Variants in PRKN observed in about 807,000 individuals in gnomAD.
The protein encoded by PRKN is parkin RBR E3 ubiquitin protein ligase.
PRKN carries 56 observed loss-of-function variants against 59.5 expected under a neutral mutation model. The ratio of observed to expected loss-of-function variants is 0.94; its 90% confidence interval spans 0.76 to 1.18. The LOEUF (loss-of-function observed/expected upper bound fraction) is 1.18, where lower values mean the gene tolerates loss of function less well. Ranked by LOEUF, PRKN falls within the 50% of genes most tolerant of loss-of-function variation. The probability of loss-of-function intolerance (pLI) is 0.00; values close to 1 mark genes in which losing one functional copy is unlikely to be tolerated. For missense variants in PRKN, 657 were observed against 596.4 expected (o/e 1.10, Z -1.06); for synonymous variants, 250 against 222.1 (o/e 1.13, Z -1.12).
rs535237000 is a variant in PRKN, at chr6:161,935,955, G to C, written c.734+37347C>G. On this transcript the variant is annotated intron_variant, in intron 6 of 11. Transcript: ENST00000366898. ...CAATTCTGAGTGAAAAATTAAAGTT[G>C]AGCAAGCTTTCCTCTTGAGGGGTAA... is the stretch of plus-strand genomic sequence containing the variant. 4.1e-4 allele frequency among the ~76,000 whole-genome samples: 63 copies of C among 152,300 alleles called. 1 individual carries two copies. Among genetic ancestry groups the C allele is most frequent in the African/African-American group, 1.5e-3 (63 of 41,578 alleles).
At chr6:162,151,415 T>C (rs1241767601) in intron 4 of PRKN, among the ~76,000 whole-genome samples, 2 of 152,360 alleles carry the variant, frequency 1.3e-5, no homozygotes, top group Middle Eastern at 3.4e-3. Context: ...TTCTACATAT[T>C]TGCAGCTTCG....
intron 1 of PRKN, among the ~76,000 whole-genome samples, chr6:162,475,903 C>T (rs939727574): frequency 6.6e-6 from 1 of 151,876 alleles, no homozygotes; most frequent in African/African-American, 2.4e-5. Context: ...AGGCGCACAC[C>T]ACCATGCCCA....
At chr6:162,159,897 A>G (rs1427366079) in intron 4 of PRKN, among the ~76,000 whole-genome samples, 3 of 152,194 alleles carry the variant, frequency 2.0e-5, no homozygotes, top group Non-Finnish European at 2.9e-5. Flanking sequence ...AATTGATCTG[A>G]TCTATGGCTT....
chr6:162,322,097 A>T (rs1783047936), intron 2 of PRKN, among the ~76,000 whole-genome samples: 1 of 115,040 alleles, frequency 8.7e-6, no homozygotes, highest in South Asian at 2.9e-4. Flanking sequence ...TTTCTATAGA[A>T]TCTAAAAAAT....
At chr6:162,469,905 G>A (rs1262627483) in intron 1 of PRKN, among the ~76,000 whole-genome samples, 3 of 152,184 alleles carry the variant, frequency 2.0e-5, no homozygotes, top group African/African-American at 7.2e-5. Flanking sequence ...AAAAGAAAGT[G>A]TGGGTGAATG....
chr6:161,841,110 C>T (rs1792968851), intron 6 of PRKN, among the ~76,000 whole-genome samples: 3 of 152,188 alleles, frequency 2.0e-5, no homozygotes, highest in Non-Finnish European at 2.9e-5. Context: ...GACAAAGACA[C>T]ATGCATATGT....
Position 162,702,475 on chromosome 6 carries a change from A to AT in PRKN, c.7+25186dup, listed in dbSNP as rs562928884. 3.3e-5 allele frequency among the ~76,000 whole-genome samples: 5 copies of AT among 152,026 alleles called. No homozygotes were observed. In the South Asian group the frequency reaches 8.3e-4, roughly 25 times the overall value. On this transcript the variant is annotated intron_variant, in intron 1 of 11. Coordinates refer to ENST00000366898, the MANE Select transcript of PRKN (RefSeq NM_004562.3). ...GGACAAAGAAAACTACCATTTCCTG[A>AT]TTTTCTCCCTCAGCCCTCCCTACCT...
chr6:162,263,042 A>G (rs1040175378), intron 2 of PRKN, among the ~76,000 whole-genome samples: 10 of 152,126 alleles, frequency 6.6e-5, no homozygotes, highest in African/African-American at 1.9e-4. Flanking sequence ...AGGAAAAAAT[A>G]ATTACCAAAC....
At chr6:161,350,868 A>T (rs1300194049) in intron 11 of PRKN, among the ~76,000 whole-genome samples, 1 of 93,334 alleles carries the variant, frequency 1.1e-5, no homozygotes, top group Non-Finnish European at 1.8e-5. Flanking sequence ...TAAAATATAT[A>T]TATTTTTATA....
At chr6:161,432,315 T>C (rs1347551458) in intron 9 of PRKN, among the ~76,000 whole-genome samples, 1 of 151,988 alleles carries the variant, frequency 6.6e-6, no homozygotes, top group East Asian at 1.9e-4. Context: ...TTGGAACACA[T>C]GTTAGCATAT....
rs1779065209 is a variant in PRKN at position 161,527,710 on chromosome 6, C to T, written c.1083+21144G>A. Reference sequence around the variant, plus strand: ...CCTCTTTCCGTGATGCTCTAATATTCCTAGTCAGGCCAAGCTATTGCTAAT... The same window carrying T: ...CCTCTTTCCGTGATGCTCTAATATTTCTAGTCAGGCCAAGCTATTGCTAAT... On this transcript the variant is annotated intron_variant, in intron 9 of 11. Coordinates refer to ENST00000366898, the MANE Select transcript of PRKN (RefSeq NM_004562.3). The surrounding 1 kb of genome is among the most constrained non-coding windows in gnomAD (Gnocchi z 4.6). Among the ~76,000 whole-genome samples the T allele has an allele frequency of 6.6e-6, 1 of 152,224 alleles. No homozygotes were observed. Among genetic ancestry groups the T allele is most frequent in the Non-Finnish European group, 1.5e-5 (1 of 68,032 alleles).
At position 162,680,209 on chromosome 6, in the gene PRKN, AAT is replaced by A. The variant is rs757600424; in HGVS notation, c.7+47451_7+47452del. Among the ~76,000 whole-genome samples, 56 of 151,292 alleles carry A rather than the reference AAT, an allele frequency of 3.7e-4. 1 individual carries two copies. The East Asian group carries it at 0.01, about 27-fold the overall frequency. ...TAAATAATATTTGAGGAAGAAAAGA[AAT>A]ATATGTTTATATGTACTATGTACAT... On this transcript the variant is annotated intron_variant, in intron 1 of 11. Coordinates refer to ENST00000366898, the MANE Select transcript of PRKN (RefSeq NM_004562.3).
chr6:162,116,617 G>A (rs1232137686), intron 4 of PRKN, among the ~76,000 whole-genome samples: 3 of 152,180 alleles, frequency 2.0e-5, no homozygotes, highest in Non-Finnish European at 4.4e-5. Context: ...GATTGAGTGT[G>A]TACTGTGTGC....
At chr6:161,639,618 C>T (rs1051515279) in intron 7 of PRKN, among the ~76,000 whole-genome samples, 5 of 152,216 alleles carry the variant, frequency 3.3e-5, no homozygotes, top group Non-Finnish European at 1.5e-5. Flanking sequence ...TTGCTAGAGA[C>T]AGCCCAGCCC....
intron 10 of PRKN, among the ~76,000 whole-genome samples, chr6:161,364,006 A>G (rs1022057230): frequency 6.3e-5 from 9 of 142,816 alleles, no homozygotes; most frequent in African/African-American, 2.3e-4. Context: ...AAAAATACAA[A>G]AAATTACAAA....
At chr6:162,227,290 A>G (rs777843037) in intron 3 of PRKN, among the ~76,000 whole-genome samples, 8 of 152,130 alleles carry the variant, frequency 5.3e-5, no homozygotes, top group African/African-American at 1.7e-4. Context: ...CACTTTGAAA[A>G]TAAGGGTTTT....
intron 1 of PRKN, among the ~76,000 whole-genome samples, chr6:162,446,691 AC>A (rs1332969420): frequency 6.6e-6 from 1 of 152,222 alleles, no homozygotes; most frequent in African/African-American, 2.4e-5. Context: ...ATAAGAAAAA[AC>A]ATCTTAAGAA....
At chr6:161,438,006 T>C (rs1202193603) in intron 9 of PRKN, among the ~76,000 whole-genome samples, 2 of 152,106 alleles carry the variant, frequency 1.3e-5, no homozygotes, top group African/African-American at 4.8e-5. Flanking sequence ...TCTATCCTCA[T>C]CCGTTTAAAT....
chr6:161,426,644 T>TACACACACACACACAC (rs546537464), intron 9 of PRKN, among the ~76,000 whole-genome samples: 2 of 31,048 alleles, frequency 6.4e-5, no homozygotes, highest in South Asian at 1.7e-3. Flanking sequence ...AACTCCCCTT[T>TACACACACACACACAC]ACACACACAC....
Sources: gnomAD v4.1 joint callset for allele counts (sites outside exome capture counted in the v4.1 genomes callset) on GRCh38, gnomAD v4.1.1 for gene constraint, Gnocchi (gnomAD v3.1) non-coding constraint, MANE v1.5 for transcripts, NCBI Gene and HGNC (gene_info 2026-07-23, HGNC 2026-07-21) for gene names.